The following ABL2 variants were observed in gnomAD, a reference collection of about 807,000 sequenced individuals.
ABL2 encodes ABL proto-oncogene 2, non-receptor tyrosine kinase.
In ABL2, 49 loss-of-function variants were observed where a neutral mutation model predicts 107.7. The ratio of observed to expected loss-of-function variants is 0.45; its 90% CI spans 0.36 to 0.58. The LOEUF (loss-of-function observed/expected upper bound fraction) is 0.58, where lower values mean the gene tolerates loss of function less well. Among genes scored for constraint, ABL2 ranks in the 20% least tolerant of loss-of-function variants. The pLI, the probability that ABL2 is intolerant of heterozygous loss-of-function variation, is 0.00. For missense variants in ABL2, 1,245 were observed against 1,457.0 expected, an observed-to-expected ratio of 0.85 and a Z score of 2.37; for synonymous variants, 549 against 548.6, an observed-to-expected ratio of 1.00 and a Z score of -0.01.
intron 1 of ABL2, among the ~76,000 whole-genome samples, chr1:179,160,236 G>A (rs1335399551): frequency 1.3e-5 from 2 of 151,850 alleles, no homozygotes; most frequent in Admixed American, 6.6e-5. Flanking sequence ...TACTTCAGCC[G>A]GGGGTGGTGG....
intron 1 of ABL2, among the ~76,000 whole-genome samples, chr1:179,175,896 G>T (rs931832647): frequency 4.1e-5 from 6 of 147,960 alleles, no homozygotes; most frequent in African/African-American, 1.2e-4. Flanking sequence ...CCTTCTGTCG[G>T]CCAGGCTGGA....
At position 179,174,907 on chromosome 1, in the gene ABL2, AATAAAAT is replaced by A. The variant is rs1263680941; in HGVS notation, c.158-41540_158-41534del. ...AGAGACTCTGTCTCAAAAAAAAAAA[AATAAAAT>A]AAAAAAAATAATAATAATAATAATA... On this transcript the variant is annotated intron_variant, in intron 1 of 11. Coordinates refer to ENST00000502732, the MANE Select transcript of ABL2 (RefSeq NM_007314.4). 8.9e-4 allele frequency among the ~76,000 whole-genome samples: 102 copies of A among 114,888 alleles called. 2 individuals carry two copies. Among genetic ancestry groups the A allele is most frequent in the South Asian group, 5.8e-3 (22 of 3,784 alleles). The allele number at this position is 114,888 out of a possible 152,430, so 75.4% of individuals were successfully genotyped here.
Position 179,100,729 on chromosome 1 carries a change from C to G in ABL2, c.*6989G>C. 1 of 230,528 alleles carries G rather than the reference C, an allele frequency of 4.3e-6. No individual in the cohort carries two copies. The highest frequency in any genetic ancestry group is 8.6e-6 in the Non-Finnish European group (1 of 116,424). 14.3% of individuals were successfully genotyped at this position (230,528 alleles called of 1,614,324 possible). On this transcript the variant is annotated 3_prime_UTR_variant, in exon 12 of 12. Transcript: ENST00000502732. ...TTGCTGATGCGAGTACAGTGATGAA[C>G]AAAGAACCTTCCAGAATAGACACAG...
rs992089920 is a variant in ABL2, at chr1:179,105,066, T to C, written c.*2652A>G. 9 of 229,912 alleles carry C rather than the reference T, an allele frequency of 3.9e-5. No individual in the cohort carries two copies. Among genetic ancestry groups the C allele is most frequent in the African/African-American group, 1.1e-4 (5 of 45,162 alleles). 14.2% of individuals were successfully genotyped at this position (229,912 alleles called of 1,614,324 possible). A position where few individuals can be genotyped will look rare whatever the true frequency, so the allele number is the denominator to read the frequency against. On this transcript the variant is annotated 3_prime_UTR_variant, in exon 12 of 12. Coordinates refer to ENST00000502732, the MANE Select transcript of ABL2 (RefSeq NM_007314.4). The stretch of plus-strand genomic sequence containing the variant: ...CTGAAGTTACATAGTTCAAGCATCA[T>C]GTGGACGGGGTATGCTCCAATAGTC...
At chr1:179,148,166 G>A (rs2102723757) in intron 1 of ABL2, among the ~76,000 whole-genome samples, 1 of 151,578 alleles carries the variant, frequency 6.6e-6, no homozygotes, top group Admixed American at 6.6e-5. Flanking sequence ...AGCCTCCTGA[G>A]TAGCTGGGAC....
At position 179,216,372 on chromosome 1, in the gene ABL2, G is replaced by T. The variant is rs369271919; in HGVS notation, c.157+12869C>A. Among the ~76,000 whole-genome samples, 5 of 152,174 alleles carry T rather than the reference G, an allele frequency of 3.3e-5. No individual in the cohort carries two copies. In the East Asian group the frequency reaches 5.8e-4, roughly 18 times the overall value. Reference sequence around the variant, plus strand: ...CAACAAATTTACATACTGAAATTATGCACTCAATCCAAAAAGGCAACCAAG... The same window carrying T: ...CAACAAATTTACATACTGAAATTATTCACTCAATCCAAAAAGGCAACCAAG... On this transcript the variant is annotated intron_variant, in intron 1 of 11. Transcript: ENST00000502732.
At chr1:179,142,234 T>C (rs1657656877) in intron 1 of ABL2, among the ~76,000 whole-genome samples, 2 of 152,204 alleles carry the variant, frequency 1.3e-5, no homozygotes, top group Non-Finnish European at 1.5e-5. Flanking sequence ...TTCACTCACA[T>C]GTAAAGAACC....
At chr1:179,116,829 CTTTT>C (rs35259294) in intron 8 of ABL2, 20 of 146,012 alleles carry the variant, frequency 1.4e-4, no homozygotes, top group South Asian at 6.1e-4. Context: ...CTTCTTTATA[CTTTT>C]TTTTTTTTTT....
chr1:179,216,031 A>G (rs1662545488), intron 1 of ABL2, among the ~76,000 whole-genome samples: 1 of 152,238 alleles, frequency 6.6e-6, no homozygotes, highest in Non-Finnish European at 1.5e-5. Flanking sequence ...ATGAAGTGAA[A>G]GGTTTTTGAA....
intron 7 of ABL2, 61 bp downstream of exon 7, chr1:179,118,526 C>T: frequency 6.6e-7 from 1 of 1,523,106 alleles, no homozygotes; most frequent in Non-Finnish European, 9.0e-7. Context: ...TCACATTCTT[C>T]CTTTTATCTG....
rs1016891607 is a variant in ABL2, at chr1:179,099,408, T to A, written c.*8310A>T. On this transcript the variant is annotated 3_prime_UTR_variant, in exon 12 of 12. Transcript: ENST00000502732. ...CCTTGTGAGAAGACAGAGAAAGCAG[T>A]CCCTTTCAAGGGCCTCATTTATTTA... The A allele has an allele frequency of 1.9e-5, 4 of 210,994 alleles. No homozygotes were observed. In the South Asian group the frequency reaches 7.5e-4, roughly 40 times the overall value. 13.1% of individuals were successfully genotyped at this position (210,994 alleles called of 1,614,324 possible). A position where few individuals can be genotyped will look rare whatever the true frequency, so the allele number is the denominator to read the frequency against.
Position 179,120,212 on chromosome 1 carries a change from A to C in ABL2, c.1023T>G (p.His341Gln). The part of the protein sequence containing the change: ...KEAAVMKEIK[H>Q]PNLVQLLGVC... ...CACCTAAAAGTTGTACCAGATTAGG[A>C]TGCTTGATTTCCTTCATTACTGCAG... is the stretch of plus-strand genomic sequence containing the variant. Residue 341 changes from histidine to glutamine, a missense_variant, in exon 6 of 12, where the codon CAT (histidine) becomes CAG (glutamine). Transcript: ENST00000502732. 6.2e-7 allele frequency: 1 copy of C among 1,607,236 alleles called. No homozygotes were observed. Among genetic ancestry groups the C allele is most frequent in the Non-Finnish European group, 8.5e-7 (1 of 1,176,526 alleles).
At chr1:179,143,766 G>A (rs953662061) in intron 1 of ABL2, among the ~76,000 whole-genome samples, 3 of 152,146 alleles carry the variant, frequency 2.0e-5, no homozygotes, top group Non-Finnish European at 2.9e-5. Context: ...GCGCGATCTC[G>A]GCTCACTGCA....
chr1:179,199,113 G>T (rs915579864), intron 1 of ABL2, among the ~76,000 whole-genome samples: 3 of 152,090 alleles, frequency 2.0e-5, no homozygotes, highest in Non-Finnish European at 4.4e-5. Context: ...AAAGTGCTGA[G>T]ATTACACGCG....
rs766665942 is a variant in ABL2 at position 179,120,224 on chromosome 1, C to T, written c.1011G>A (p.Lys337=). ...GTACCAGATTAGGATGCTTGATTTCCTTCATTACTGCAGCTTCTTTCAGGA... is the reference window on the plus strand; with the variant it reads ...GTACCAGATTAGGATGCTTGATTTCTTTCATTACTGCAGCTTCTTTCAGGA... The part of the protein sequence containing the change: ...EEFLKEAAVM[K]EIKHPNLVQL... Residue 337 remains lysine, a synonymous_variant, in exon 6 of 12, where the codon AAG becomes AAA. Transcript: ENST00000502732. 8 of 1,607,462 alleles carry T rather than the reference C, an allele frequency of 5.0e-6. No individual in the cohort carries two copies. The Admixed American group carries it at 1.3e-4, about 27-fold the overall frequency.
At chr1:179,154,757 C>G (rs1253318161) in intron 1 of ABL2, among the ~76,000 whole-genome samples, 1 of 152,128 alleles carries the variant, frequency 6.6e-6, no homozygotes, top group Non-Finnish European at 1.5e-5. Context: ...CTAATAGCAT[C>G]CCTTCTCATT....
intron 1 of ABL2, among the ~76,000 whole-genome samples, chr1:179,191,347 C>T (rs573670386): frequency 6.7e-6 from 1 of 149,300 alleles, no homozygotes; most frequent in South Asian, 2.1e-4. Flanking sequence ...TTTTCCAATT[C>T]TTCTATATTA....
intron 1 of ABL2, among the ~76,000 whole-genome samples, chr1:179,190,190 C>T (rs955977870): frequency 6.6e-6 from 1 of 152,088 alleles, no homozygotes; most frequent in Non-Finnish European, 1.5e-5. Context: ...AAGTCCAGGG[C>T]TCAGGCCCAC....
chr1:179,173,725 G>A (rs958456646), intron 1 of ABL2, among the ~76,000 whole-genome samples: 2 of 152,146 alleles, frequency 1.3e-5, no homozygotes, highest in South Asian at 4.1e-4. Flanking sequence ...ATTTTAGGCA[G>A]AGAATCTACA....
Sources: allele counts gnomAD v4.1 joint callset (sites outside exome capture counted in the v4.1 genomes callset), GRCh38; gene constraint gnomAD v4.1.1; transcripts MANE v1.5; gene names NCBI Gene and HGNC (gene_info 2026-07-23, HGNC 2026-07-21).